Variants in SH3BGRL observed in about 807,000 individuals in gnomAD.
SH3BGRL encodes the protein SH3 domain binding glutamate rich protein like.
In SH3BGRL, 7 loss-of-function variants were observed where a neutral mutation model predicts 9.8. The ratio of observed to expected loss-of-function variants is 0.72; its 90% CI spans 0.41 to 1.35. SH3BGRL has a LOEUF of 1.35. Ranked by LOEUF, SH3BGRL falls within the 40% of genes most tolerant of loss-of-function variation. The pLI is 0.01. For missense variants in SH3BGRL, 73 were observed against 84.4 expected (o/e 0.86, Z 0.53); for synonymous variants, 36 against 29.1 (o/e 1.24, Z -0.76).
chrX:81,291,239 T>C (rs1456754157), intron 3 of SH3BGRL, among the ~76,000 whole-genome samples: 3 of 111,576 alleles, frequency 2.7e-5, no homozygotes, highest in African/African-American at 9.8e-5. Context: ...GGGTAATTTA[T>C]AAAGAAAAGA....
intron 1 of SH3BGRL, among the ~76,000 whole-genome samples, chrX:81,220,592 G>GT (rs200696883): frequency 0.046 from 4,709 of 101,787 alleles, 128 homozygotes; most frequent in African/African-American, 0.098. Flanking sequence ...CTTTTTTAGT[G>GT]TTTTTTTTTC....
chrX:81,230,003 G>T (rs984078626), intron 1 of SH3BGRL, among the ~76,000 whole-genome samples: 1 of 111,625 alleles, frequency 9.0e-6, no homozygotes, highest in African/African-American at 3.3e-5. Context: ...CATTGAACTT[G>T]CAGTATGAAG....
At chrX:81,263,074 C>T (rs1352642518) in intron 1 of SH3BGRL, among the ~76,000 whole-genome samples, 1 of 109,861 alleles carries the variant, frequency 9.1e-6, no homozygotes, top group African/African-American at 3.3e-5. Context: ...GATGGAGTGG[C>T]CACAGAGAAC....
At chrX:81,279,441 G>A (rs2075808785) in intron 3 of SH3BGRL, among the ~76,000 whole-genome samples, 1 of 110,802 alleles carries the variant, frequency 9.0e-6, no homozygotes, top group South Asian at 3.9e-4. Flanking sequence ...ATCCTGAGAG[G>A]ACCCACAGAC....
At chrX:81,242,051 T>C (rs2075671856) in intron 1 of SH3BGRL, among the ~76,000 whole-genome samples, 1 of 112,562 alleles carries the variant, frequency 8.9e-6, no homozygotes, top group African/African-American at 3.2e-5. Flanking sequence ...TGCAGCATGC[T>C]GAACCGAGTG....
intron 1 of SH3BGRL, among the ~76,000 whole-genome samples, chrX:81,214,087 G>C (rs900837528): frequency 4.5e-5 from 5 of 112,234 alleles, no homozygotes; most frequent in African/African-American, 1.3e-4. Context: ...GGAAACACGT[G>C]GATTCATTAG....
intron 1 of SH3BGRL, among the ~76,000 whole-genome samples, chrX:81,239,822 G>T (rs971028744): frequency 2.1e-4 from 24 of 112,334 alleles, no homozygotes; most frequent in African/African-American, 7.8e-4. Context: ...TCTGGCAGCA[G>T]ACTATTCAGT....
intron 1 of SH3BGRL, among the ~76,000 whole-genome samples, chrX:81,241,375 A>G (rs2075668877): frequency 8.9e-6 from 1 of 112,081 alleles, no homozygotes; most frequent in Non-Finnish European, 1.9e-5. Flanking sequence ...CACCTTCAAG[A>G]CAGATAAAGT....
intron 1 of SH3BGRL, among the ~76,000 whole-genome samples, chrX:81,252,179 C>T (rs1188985473): frequency 8.9e-6 from 1 of 111,752 alleles, no homozygotes; most frequent in East Asian, 2.8e-4. Context: ...AACAAAGAAA[C>T]ATTCCTGAGA....
rs778035785 is a variant in SH3BGRL at position 81,222,241 on chromosome X, A to G, written c.45+19996A>G. 6.3e-5 allele frequency among the ~76,000 whole-genome samples: 7 copies of G among 110,535 alleles called. No homozygotes were observed. The Admixed American group carries it at 6.7e-4, about 11-fold the overall frequency. On this transcript the variant is annotated intron_variant, in intron 1 of 3. Transcript: ENST00000373212. Reference sequence around the variant, plus strand: ...CAACGTGCAGGTTTGTTACATATGTATACATGTGCCATGTTGGTGTGCTGC... The same window carrying G: ...CAACGTGCAGGTTTGTTACATATGTGTACATGTGCCATGTTGGTGTGCTGC...
At chrX:81,230,393 G>A (rs1028555026) in intron 1 of SH3BGRL, among the ~76,000 whole-genome samples, 3 of 112,207 alleles carry the variant, frequency 2.7e-5, no homozygotes, top group African/African-American at 9.7e-5. Context: ...AGAGGACAGA[G>A]TTTAGAGTGA....
chrX:81,209,252 C>T lies in SH3BGRL; in HGVS notation c.45+7007C>T, dbSNP rs568169523. Among the ~76,000 whole-genome samples the T allele has an allele frequency of 1.2e-3, 129 of 110,503 alleles. 1 individual carries two copies. Among genetic ancestry groups the T allele is most frequent in the South Asian group, 1.5e-3 (4 of 2,584 alleles). On this transcript the variant is annotated intron_variant, in intron 1 of 3. Coordinates refer to ENST00000373212, the MANE Select transcript of SH3BGRL (RefSeq NM_003022.3). The stretch of plus-strand genomic sequence containing the variant: ...CAAACTCTTCAGCTAAAGTGATCCG[C>T]CCTCCTCGACCTTCCAAAGTGCTGG...
chrX:81,214,604 GAGAC>G (rs1467867789), intron 1 of SH3BGRL, among the ~76,000 whole-genome samples: 1 of 111,503 alleles, frequency 9.0e-6, no homozygotes, highest in Non-Finnish European at 1.9e-5. Context: ...AATTGTGACA[GAGAC>G]AGAACATGAA....
chrX:81,221,032 A>T (rs1331548042), intron 1 of SH3BGRL, among the ~76,000 whole-genome samples: 2 of 111,519 alleles, frequency 1.8e-5, no homozygotes, highest in Non-Finnish European at 3.8e-5. Flanking sequence ...CTGTGTCCTA[A>T]CATATGGTCT....
chrX:81,297,458 C>T lies in SH3BGRL; in HGVS notation c.*231C>T, dbSNP rs986084237. ...TAAAATTATATTAATAAGTAGATAT[C>T]GTAGAAATAGTGTTGTTACCTGCCA... is the stretch of plus-strand genomic sequence containing the variant. On this transcript the variant is annotated 3_prime_UTR_variant, in exon 4 of 4. Coordinates refer to ENST00000373212, the MANE Select transcript of SH3BGRL (RefSeq NM_003022.3). The T allele has an allele frequency of 1.6e-5, 5 of 305,310 alleles. No individual in the cohort carries two copies. The highest frequency in any genetic ancestry group is 1.4e-4 in the South Asian group (2 of 14,275). The allele number at this position is 305,310 out of a possible 1,213,427, so 25.2% of individuals were successfully genotyped here.
chrX:81,225,404 C>A (rs1235062049), intron 1 of SH3BGRL, among the ~76,000 whole-genome samples: 1 of 110,733 alleles, frequency 9.0e-6, no homozygotes, highest in African/African-American at 3.3e-5. Flanking sequence ...TCTCTCACCC[C>A]CCTTCCACCC....
In SH3BGRL at chrX:81,278,417, A is replaced by G; in HGVS notation, c.312+6A>G. Reference sequence around the variant, plus strand: ...CAGCCCCACCTGGTTCAAAGGTATGATACCCTTTTTTTCCTGTTTTATAGG... The same window carrying G: ...CAGCCCCACCTGGTTCAAAGGTATGGTACCCTTTTTTTCCTGTTTTATAGG... On this transcript the variant is annotated splice_donor_region_variant and intron_variant, in intron 3 of 3. Coordinates refer to ENST00000373212, the MANE Select transcript of SH3BGRL (RefSeq NM_003022.3). The G allele has an allele frequency of 8.9e-7, 1 of 1,120,784 alleles. No homozygotes were observed. Among genetic ancestry groups the G allele is most frequent in the Non-Finnish European group, 1.2e-6 (1 of 824,986 alleles). 92.4% of individuals were successfully genotyped at this position (1,120,784 alleles called of 1,213,427 possible). A position where few individuals can be genotyped will look rare whatever the true frequency, so the allele number is the denominator to read the frequency against.
chrX:81,222,222 G>A (rs1257940440), intron 1 of SH3BGRL, among the ~76,000 whole-genome samples: 2 of 110,635 alleles, frequency 1.8e-5, no homozygotes, highest in Non-Finnish European at 3.8e-5. Context: ...TGCACAACGT[G>A]CAGGTTTGTT....
intron 1 of SH3BGRL, among the ~76,000 whole-genome samples, chrX:81,269,373 T>C (rs2075769253): frequency 8.9e-6 from 1 of 111,791 alleles, no homozygotes; most frequent in Non-Finnish European, 1.9e-5. Flanking sequence ...CCTTTCCAAG[T>C]TTAGTAATTC....
Sources: allele counts gnomAD v4.1 joint callset (sites outside exome capture counted in the v4.1 genomes callset), GRCh38; gene constraint gnomAD v4.1.1; transcripts MANE v1.5; gene names NCBI Gene and HGNC (gene_info 2026-07-23, HGNC 2026-07-21).